The following COG6 variants were observed in gnomAD, a reference collection of about 807,000 sequenced individuals.
COG6 encodes component of oligomeric golgi complex 6, also known as conserved oligomeric Golgi complex subunit 6.
In COG6, 74 loss-of-function variants were observed where a neutral mutation model predicts 88.8. The observed-to-expected ratio is 0.83, with a 90% CI of 0.69 to 1.01. The LOEUF (loss-of-function observed/expected upper bound fraction) is 1.01, where lower values mean the gene tolerates loss of function less well. Ranked by LOEUF, COG6 falls within the 50% of genes least tolerant of loss-of-function variation. The pLI, the probability that COG6 is intolerant of heterozygous loss-of-function variation, is 0.00. For synonymous variants in COG6, 286 were observed against 278.7 expected, an observed-to-expected ratio of 1.03 and a Z score of -0.26; for missense variants, 800 against 797.9, an observed-to-expected ratio of 1.00 and a Z score of -0.03.
chr13:39,770,929 C>T (rs1379949782), intron 18 of COG6, among the ~76,000 whole-genome samples: 1 of 152,184 alleles, frequency 6.6e-6, no homozygotes, highest in Non-Finnish European at 1.5e-5. Context: ...GCCTTCTCTT[C>T]TTGTTTCTAC....
intron 18 of COG6, among the ~76,000 whole-genome samples, chr13:39,771,881 T>TG (rs576987142): frequency 2.6e-5 from 4 of 152,202 alleles, no homozygotes; most frequent in African/African-American, 9.6e-5. Flanking sequence ...TACTTGGTGC[T>TG]GGGGGGAAAA....
intron 4 of COG6, among the ~76,000 whole-genome samples, chr13:39,667,366 T>C (rs1221363491): frequency 1.3e-5 from 2 of 152,224 alleles, no homozygotes; most frequent in East Asian, 3.8e-4. Flanking sequence ...GTGTGTTTTC[T>C]ACAAGCCAAA....
intron 3 of COG6, among the ~76,000 whole-genome samples, chr13:39,661,880 T>C (rs988791993): frequency 6.6e-6 from 1 of 151,718 alleles, no homozygotes; most frequent in Non-Finnish European, 1.5e-5. Flanking sequence ...TCTCAAATTA[T>C]ACTTTATAAG....
intron 4 of COG6, among the ~76,000 whole-genome samples, chr13:39,668,392 A>G (rs1055312615): frequency 6.6e-6 from 1 of 152,128 alleles, no homozygotes; most frequent in African/African-American, 2.4e-5. Flanking sequence ...CCTCTCCCCT[A>G]CCTTAATTCT....
At chr13:39,737,317 A>G (rs188387793) in intron 18 of COG6, among the ~76,000 whole-genome samples, 3 of 152,160 alleles carry the variant, frequency 2.0e-5, no homozygotes, top group African/African-American at 4.8e-5. Context: ...GGATCACTGC[A>G]TGACTACTGC....
intron 18 of COG6, among the ~76,000 whole-genome samples, chr13:39,739,779 T>C (rs1223045943): frequency 6.6e-6 from 1 of 152,150 alleles, no homozygotes; most frequent in African/African-American, 2.4e-5. Flanking sequence ...CCTTGGAGCT[T>C]CTAGCCATTG....
At chr13:39,694,823 T>C (rs569818335) in intron 12 of COG6, 98 bp downstream of exon 12, 1 of 665,878 alleles carries the variant, frequency 1.5e-6, no homozygotes, top group Non-Finnish European at 2.7e-6. Flanking sequence ...GTATAGTAAT[T>C]ATACACTAAG....
At chr13:39,790,464 C>T (rs1881906150) in exon 19 of COG6, 1 of 152,104 alleles carries the variant, frequency 6.6e-6, no homozygotes, top group Non-Finnish European at 1.5e-5. Context: ...AAGCATGAGT[C>T]TAGTATCTGT....
At chr13:39,737,232 G>T (rs146369228) in intron 18 of COG6, among the ~76,000 whole-genome samples, 1 of 151,994 alleles carries the variant, frequency 6.6e-6, no homozygotes, top group Non-Finnish European at 1.5e-5. Context: ...ATGCCTCTTC[G>T]TGGCACCACC....
chr13:39,756,575 ACAAT>A (rs1441814883), downstream of COG6, among the ~76,000 whole-genome samples: 3 of 152,178 alleles, frequency 2.0e-5, no homozygotes, highest in Non-Finnish European at 4.4e-5. Flanking sequence ...GGGACACATC[ACAAT>A]CAAACTGTTA....
At chr13:39,721,669 G>T (rs537139813) in intron 15 of COG6, among the ~76,000 whole-genome samples, 152 of 152,210 alleles carry the variant, frequency 1.0e-3, no homozygotes, top group African/African-American at 3.5e-3. Flanking sequence ...GATATGTGAA[G>T]GTGTGGTTTA....
At chr13:39,726,624 G>C (rs963438906) in intron 17 of COG6, among the ~76,000 whole-genome samples, 3 of 151,830 alleles carry the variant, frequency 2.0e-5, no homozygotes, top group Admixed American at 6.6e-5. Flanking sequence ...GCCAGATTTA[G>C]CTTCTTAAAA....
intron 18 of COG6, among the ~76,000 whole-genome samples, chr13:39,735,150 CTTG>C (rs1172213423): frequency 4.0e-5 from 6 of 151,760 alleles, no homozygotes; most frequent in African/African-American, 1.5e-4. Flanking sequence ...AACTTGCTTT[CTTG>C]TTGTTCTGTG....
intron 18 of COG6, among the ~76,000 whole-genome samples, chr13:39,739,315 G>A (rs972772156): frequency 3.3e-5 from 5 of 151,882 alleles, no homozygotes; most frequent in African/African-American, 1.2e-4. Context: ...AAGAGTGTCA[G>A]TTTAGATTTC....
Position 39,659,624 on chromosome 13 carries a change from T to G in COG6, c.297+117T>G, listed in dbSNP as rs947722660. 20 of 784,056 alleles carry G rather than the reference T, an allele frequency of 2.6e-5. No homozygotes were observed. The South Asian group carries it at 2.9e-4, about 11-fold the overall frequency. 48.6% of individuals were successfully genotyped at this position (784,056 alleles called of 1,614,324 possible). A position where few individuals can be genotyped will look rare whatever the true frequency, so the allele number is the denominator to read the frequency against. On this transcript the variant is annotated intron_variant, in intron 2 of 18. Transcript: ENST00000455146. ...TTGCTATTTGTATACTATGCCCAAATAGAAAGCTTAGCTAATTTCTCTTGC... is the reference window on the plus strand; with the variant it reads ...TTGCTATTTGTATACTATGCCCAAAGAGAAAGCTTAGCTAATTTCTCTTGC...
chr13:39,770,096 C>G (rs1881277780), intron 18 of COG6, among the ~76,000 whole-genome samples: 1 of 152,172 alleles, frequency 6.6e-6, no homozygotes, highest in African/African-American at 2.4e-5. Context: ...AATTAGAAAT[C>G]AATATCGGGA....
At chr13:39,710,234 G>GT (rs1338490015) in intron 13 of COG6, among the ~76,000 whole-genome samples, 1 of 152,050 alleles carries the variant, frequency 6.6e-6, no homozygotes, top group African/African-American at 2.4e-5. Context: ...CAGATATTGA[G>GT]TGGTTTTTTT....
At chr13:39,745,752 T>C (rs1483938187) in intron 18 of COG6, among the ~76,000 whole-genome samples, 1 of 152,212 alleles carries the variant, frequency 6.6e-6, no homozygotes, top group African/African-American at 2.4e-5. Flanking sequence ...CAAAGGATTA[T>C]AAATCATGCT....
chr13:39,698,928 G>C (rs76375932), intron 12 of COG6, among the ~76,000 whole-genome samples: 10,513 of 151,736 alleles, frequency 0.069, 549 homozygotes, highest in Middle Eastern at 0.13. Context: ...AGCAAATTGA[G>C]GATTATGGAA....
Sources: allele counts gnomAD v4.1 joint callset (sites outside exome capture counted in the v4.1 genomes callset), GRCh38; gene constraint gnomAD v4.1.1; transcripts MANE v1.5; gene names NCBI Gene and HGNC (gene_info 2026-07-23, HGNC 2026-07-21).